FGFR2: variants seen among roughly 807,000 people sequenced by gnomAD.
The protein encoded by FGFR2 is fibroblast growth factor receptor 2.
In FGFR2, 19 loss-of-function variants were observed where a neutral mutation model predicts 95.9. The ratio of observed to expected loss-of-function variants is 0.20; its 90% CI spans 0.14 to 0.29. The LOEUF (loss-of-function observed/expected upper bound fraction) is 0.29, where lower values mean the gene tolerates loss of function less well. Among genes scored for constraint, FGFR2 ranks in the 10% least tolerant of loss-of-function variants. The pLI, the probability that FGFR2 is intolerant of heterozygous loss-of-function variation, is 1.00. For missense variants in FGFR2, 707 were observed against 1,056.9 expected (o/e 0.67, Z 4.59); for synonymous variants, 392 against 393.3 (o/e 1.00, Z 0.04).
intron 9 of FGFR2, among the ~76,000 whole-genome samples, chr10:121,504,150 C>T (rs1339099049): frequency 6.6e-6 from 1 of 152,190 alleles, no homozygotes; most frequent in African/African-American, 2.4e-5. Context: ...TTTTATGTTC[C>T]TATGTTCAGG....
At chr10:121,528,856 G>C (rs182992823) in intron 6 of FGFR2, among the ~76,000 whole-genome samples, 19 of 152,222 alleles carry the variant, frequency 1.2e-4, no homozygotes, top group African/African-American at 4.3e-4. Flanking sequence ...CCCAGCCCCA[G>C]TCCCTCCCTA....
rs140855065 is a variant in FGFR2, at chr10:121,588,824, G to A, written c.109+4885C>T. On this transcript the variant is annotated intron_variant, in intron 2 of 17. Coordinates refer to ENST00000358487, the MANE Select transcript of FGFR2 (RefSeq NM_000141.5). ...GAGGACCCCTTCAGCCCAGGAGTCC[G>A]AGGGTACAGTGAGCCACGTTTGACA... 3.3e-3 allele frequency among the ~76,000 whole-genome samples: 505 copies of A among 152,216 alleles called. 1 individual carries two copies. The highest frequency in any genetic ancestry group is 0.012 in the African/African-American group (481 of 41,520).
At chr10:121,492,333 T>C (rs1846241785) in intron 13 of FGFR2, among the ~76,000 whole-genome samples, 1 of 152,144 alleles carries the variant, frequency 6.6e-6, no homozygotes, top group Non-Finnish European at 1.5e-5. Flanking sequence ...CCTAATTGCA[T>C]TGCTATATAC....
chr10:121,579,743 G>C (rs1325261152), intron 2 of FGFR2, among the ~76,000 whole-genome samples: 2 of 152,154 alleles, frequency 1.3e-5, no homozygotes, highest in African/African-American at 4.8e-5. Flanking sequence ...AGCATGCCGA[G>C]AATAACCCTG....
intron 6 of FGFR2, among the ~76,000 whole-genome samples, chr10:121,533,281 T>A (rs1177188464): frequency 6.6e-6 from 1 of 152,174 alleles, no homozygotes; most frequent in Non-Finnish European, 1.5e-5. Context: ...TCCCAACTAT[T>A]CAGGAGACAG....
At chr10:121,513,109 G>T (rs1460338138) in intron 9 of FGFR2, among the ~76,000 whole-genome samples, 1 of 152,032 alleles carries the variant, frequency 6.6e-6, no homozygotes, top group Non-Finnish European at 1.5e-5. Flanking sequence ...CCTGACCTCG[G>T]GTGATCCACG....
At chr10:121,538,768 A>C in intron 5 of FGFR2, 53 bp from the exon 6 acceptor site, 4 of 1,612,260 alleles carry the variant, frequency 2.5e-6, no homozygotes, top group Non-Finnish European at 3.4e-6. Flanking sequence ...ACAGAATACC[A>C]AGTACTGTGC....
chr10:121,591,011 ACT>A (rs76266908), intron 2 of FGFR2, among the ~76,000 whole-genome samples: 103 of 144,304 alleles, frequency 7.1e-4, no homozygotes, highest in Non-Finnish European at 9.3e-4. Context: ...ACACACGCAC[ACT>A]CTCTCTCTCT....
chr10:121,503,383 C>T (rs1318154071), intron 10 of FGFR2, among the ~76,000 whole-genome samples: 1 of 152,154 alleles, frequency 6.6e-6, no homozygotes, highest in Non-Finnish European at 1.5e-5. Flanking sequence ...GTCCTTAAGG[C>T]CATTTATATT....
At position 121,580,348 on chromosome 10, in the gene FGFR2, G is replaced by GCTGTGTA. The variant is rs1436290861; in HGVS notation, c.109+13360_109+13361insTACACAG. ...GATGTGTCCCCGCCTGATCCCCTCA[G>GCTGTGTA]CAGCATCCCAGCCATTTGCAAATGA... On this transcript the variant is annotated intron_variant, in intron 2 of 17. Coordinates refer to ENST00000358487, the MANE Select transcript of FGFR2 (RefSeq NM_000141.5). 3.3e-5 allele frequency among the ~76,000 whole-genome samples: 5 copies of GCTGTGTA among 152,176 alleles called. No homozygotes were observed. In the East Asian group the frequency reaches 7.7e-4, roughly 23 times the overall value.
At chr10:121,563,995 C>A (rs1241017321) in intron 4 of FGFR2, among the ~76,000 whole-genome samples, 2 of 152,162 alleles carry the variant, frequency 1.3e-5, no homozygotes, top group East Asian at 1.9e-4. Flanking sequence ...CCAGATAATT[C>A]TTTGTTATGG....
intron 13 of FGFR2, 149 bp from the exon 14 acceptor site, chr10:121,488,262 C>T (rs1054514015): frequency 1.9e-5 from 22 of 1,136,276 alleles, no homozygotes; most frequent in South Asian, 1.4e-4. Flanking sequence ...ACAGTGTGGC[C>T]GGGTGCGGTG....
intron 2 of FGFR2, among the ~76,000 whole-genome samples, chr10:121,588,489 A>AAATTTCC (rs1862163205): frequency 6.6e-6 from 1 of 152,210 alleles, no homozygotes; most frequent in African/African-American, 2.4e-5. Flanking sequence ...ATGGTGTGGT[A>AAATTTCC]AAGATGGGGT....
rs1846841021 is a variant in FGFR2, at chr10:121,496,579, A to C, written c.1816T>G (p.Cys606Gly). The C allele has an allele frequency of 1.2e-6, 2 of 1,613,858 alleles. No individual in the cohort carries two copies. Among genetic ancestry groups the C allele is most frequent in the African/African-American group, 1.3e-5 (1 of 74,888 alleles). Residue 606 changes from cysteine (C) to glycine (G), a missense_variant, in exon 13 of 18, where the codon TGC becomes GGC. This residue lies in a region of FGFR2 where 37 missense variants were observed against 34.1 expected (regional missense o/e 1.09). Transcript: ENST00000358487. ...EQMTFKDLVS[C>G]TYQLARGMEY... ...ATGCCTCTGGCCAGCTGGTAGGTGC[A>C]TGACACCAAGTCCTTGAAGGTCATC...
chr10:121,571,333 C>CTT (rs1374527940), intron 2 of FGFR2, among the ~76,000 whole-genome samples: 6 of 85,574 alleles, frequency 7.0e-5, no homozygotes, highest in East Asian at 3.8e-4. Context: ...CGGAGTCTCG[C>CTT]TCTCTCCCAG....
At chr10:121,543,397 C>A (rs1014078929) in intron 5 of FGFR2, among the ~76,000 whole-genome samples, 2 of 152,118 alleles carry the variant, frequency 1.3e-5, no homozygotes, top group African/African-American at 4.8e-5. Context: ...GTAATCCCAG[C>A]TACTCAGGAG....
intron 9 of FGFR2, among the ~76,000 whole-genome samples, chr10:121,507,885 G>C (rs900277373): frequency 6.6e-6 from 1 of 151,978 alleles, no homozygotes; most frequent in Non-Finnish European, 1.5e-5. Context: ...CCGCATTCAT[G>C]GTTTCAACCA....
intron 10 of FGFR2, among the ~76,000 whole-genome samples, chr10:121,501,177 C>T (rs919370514): frequency 3.9e-5 from 6 of 152,146 alleles, no homozygotes; most frequent in African/African-American, 7.2e-5. Context: ...TTGGTATTCT[C>T]GGTTTATTTT....
At position 121,565,176 on chromosome 10, in the gene FGFR2, C is replaced by CAAAA. The variant is rs71865754; in HGVS notation, c.376+258_376+261dup. Among the ~76,000 whole-genome samples, 45 of 97,928 alleles carry CAAAA rather than the reference C, an allele frequency of 4.6e-4. 1 individual carries two copies. The highest frequency in any genetic ancestry group is 1.2e-3 in the African/African-American group (33 of 27,910). 64.2% of individuals were successfully genotyped at this position (97,928 alleles called of 152,430 possible). On this transcript the variant is annotated intron_variant, in intron 3 of 17. Coordinates refer to ENST00000358487, the MANE Select transcript of FGFR2 (RefSeq NM_000141.5). ...CTAAATGCCAGAGATGTCAGTGGTACAAAAAAAAAAAAAAAAAAGCATGTA... is the reference window on the plus strand; with the variant it reads ...CTAAATGCCAGAGATGTCAGTGGTACAAAAAAAAAAAAAAAAAAAAAAGCATGTA...
Sources: gnomAD v4.1 joint callset for allele counts (sites outside exome capture counted in the v4.1 genomes callset) on GRCh38, gnomAD v4.1.1 for gene constraint, gnomAD v4.1.1 regional missense constraint, MANE v1.5 for transcripts, NCBI Gene and HGNC (gene_info 2026-07-23, HGNC 2026-07-21) for gene names.